Variants in ZFHX3 observed in about 807,000 individuals in gnomAD.
ZFHX3 encodes zinc finger homeobox 3.
Under a neutral mutation model 279.1 loss-of-function variants are expected in ZFHX3, and 42 were observed. The observed-to-expected ratio is 0.15, with a 90% CI of 0.12 to 0.19. ZFHX3 has a LOEUF of 0.19. Among genes scored for constraint, ZFHX3 ranks in the 10% least tolerant of loss-of-function variants. The pLI is 1.00. For synonymous variants in ZFHX3, 2,293 were observed against 1,957.8 expected, an observed-to-expected ratio of 1.17 and a Z score of -4.52; for missense variants, 4,981 against 4,754.0, an observed-to-expected ratio of 1.05 and a Z score of -1.40.
intron 2 of ZFHX3, among the ~76,000 whole-genome samples, chr16:73,467,490 G>C (rs1350046121): frequency 1.3e-5 from 2 of 152,132 alleles, no homozygotes; most frequent in Non-Finnish European, 2.9e-5. Context: ...GAAGTATTCA[G>C]GGGGTAGTGC....
intron 4 of ZFHX3, among the ~76,000 whole-genome samples, chr16:73,282,555 T>A (rs2014483807): frequency 1.3e-5 from 2 of 152,178 alleles, no homozygotes; most frequent in South Asian, 4.1e-4. Context: ...GATTACATTG[T>A]CTCTTGTTGC....
chr16:73,655,803 A>C (rs891668123), intron 2 of ZFHX3, among the ~76,000 whole-genome samples: 3 of 152,216 alleles, frequency 2.0e-5, no homozygotes, highest in Non-Finnish European at 4.4e-5. Flanking sequence ...ACCATTTGAC[A>C]TTTAATAGTC....
chr16:73,288,956 T>C (rs1328332603), intron 4 of ZFHX3, among the ~76,000 whole-genome samples: 6 of 148,596 alleles, frequency 4.0e-5, no homozygotes, highest in African/African-American at 1.5e-4. Context: ...TCTTTGTCTC[T>C]TGTTATACCT....
intron 8 of ZFHX3, among the ~76,000 whole-genome samples, chr16:73,089,135 G>T (rs980124478): frequency 6.6e-6 from 1 of 151,778 alleles, no homozygotes; most frequent in African/African-American, 2.4e-5. Flanking sequence ...ACAGAGTCTT[G>T]CTCTGTCGCC....
chr16:73,212,643 C>T (rs1276502611), intron 5 of ZFHX3, among the ~76,000 whole-genome samples: 1 of 152,220 alleles, frequency 6.6e-6, no homozygotes, highest in Non-Finnish European at 1.5e-5. Flanking sequence ...GCCCCCAGCT[C>T]ATGACCGTCA....
At chr16:73,879,045 T>C (rs1211187458) in intron 1 of ZFHX3, among the ~76,000 whole-genome samples, 1 of 151,130 alleles carries the variant, frequency 6.6e-6, no homozygotes, top group Non-Finnish European at 1.5e-5. Context: ...CTTCTTAATT[T>C]CCAGCGAAAG....
At chr16:73,006,454 T>C (rs530686831) in intron 1 of ZFHX3, among the ~76,000 whole-genome samples, 2 of 151,424 alleles carry the variant, frequency 1.3e-5, no homozygotes, top group Non-Finnish European at 2.9e-5. Flanking sequence ...GAGACCCCAA[T>C]CTCTATGAAA....
intron 7 of ZFHX3, among the ~76,000 whole-genome samples, chr16:73,121,102 C>A (rs763764463): frequency 1.3e-5 from 2 of 152,164 alleles, no homozygotes; most frequent in African/African-American, 4.8e-5. Context: ...TTTATTTCAT[C>A]ACAATTAATT....
In ZFHX3 at chr16:73,372,267, A is replaced by G. The variant is rs573003955; in HGVS notation, c.-1290-53931T>C. Among the ~76,000 whole-genome samples, 6 of 152,342 alleles carry G rather than the reference A, an allele frequency of 3.9e-5. No individual in the cohort carries two copies. The East Asian group carries it at 1.2e-3, about 29-fold the overall frequency. ...ACTACTGAAAACAGTTTAAAAGATCATGTCTGTGATCTATTAAACAAGGTT... is the reference window on the plus strand; with the variant it reads ...ACTACTGAAAACAGTTTAAAAGATCGTGTCTGTGATCTATTAAACAAGGTT... On this transcript the variant is annotated intron_variant, in intron 3 of 17. Transcript: ENST00000641206.
chr16:73,644,358 G>C (rs755852442), intron 2 of ZFHX3, among the ~76,000 whole-genome samples: 1 of 151,966 alleles, frequency 6.6e-6, no homozygotes, highest in Admixed American at 6.6e-5. Context: ...ACCACCCACC[G>C]GTTGAAAGCA....
rs552306291 is a variant in ZFHX3 at position 72,893,599 on chromosome 16, T to A, written c.3217-3637A>T. ...AATCCACTCCACACTCTAGCTCATG[T>A]TGGTAAACTACAATCTCTTACACTG... On this transcript the variant is annotated intron_variant, in intron 3 of 9. Transcript: ENST00000268489. 5.9e-4 allele frequency among the ~76,000 whole-genome samples: 90 copies of A among 152,358 alleles called. No homozygotes were observed. The Middle Eastern group carries it at 0.014, about 23-fold the overall frequency.
intron 2 of ZFHX3, among the ~76,000 whole-genome samples, chr16:73,654,115 C>T (rs1239625391): frequency 4.1e-5 from 6 of 147,668 alleles, no homozygotes; most frequent in African/African-American, 1.5e-4. Context: ...ACCTGGGAGG[C>T]GGAGCCTGCA....
intron 1 of ZFHX3, among the ~76,000 whole-genome samples, chr16:73,814,558 T>A (rs919580615): frequency 2.0e-5 from 3 of 151,936 alleles, no homozygotes; most frequent in South Asian, 4.1e-4. Context: ...CTTACTTACA[T>A]AGTTCACAAC....
At chr16:72,823,290 G>C (rs778333531) in intron 5 of ZFHX3, among the ~76,000 whole-genome samples, 1 of 152,238 alleles carries the variant, frequency 6.6e-6, no homozygotes, top group African/African-American at 2.4e-5. Context: ...ACTTTTGGGT[G>C]AGGTGGAGAA....
At chr16:73,651,855 A>C (rs1246365161) in intron 2 of ZFHX3, among the ~76,000 whole-genome samples, 11 of 382 alleles carry the variant, frequency 0.029, no homozygotes, top group South Asian at 0.2. Context: ...ACTCTGTCTC[A>C]AAAAAAAAAA....
intron 3 of ZFHX3, among the ~76,000 whole-genome samples, chr16:73,337,601 G>C (rs145927624): frequency 6.6e-6 from 1 of 151,890 alleles, no homozygotes; most frequent in African/African-American, 2.4e-5. Flanking sequence ...CTGACTCACC[G>C]TCTTTGTCTC....
intron 7 of ZFHX3, among the ~76,000 whole-genome samples, chr16:73,097,498 G>T (rs1042328940): frequency 6.6e-6 from 1 of 151,972 alleles, no homozygotes; most frequent in African/African-American, 2.4e-5. Context: ...TCTGGTTTTA[G>T]GTTTTACCTG....
intron 3 of ZFHX3, among the ~76,000 whole-genome samples, chr16:72,921,391 A>T (rs2144239585): frequency 6.6e-6 from 1 of 152,352 alleles, no homozygotes; most frequent in Non-Finnish European, 1.5e-5. Flanking sequence ...AAAGGGCATC[A>T]GACACGACTA....
intron 5 of ZFHX3, among the ~76,000 whole-genome samples, chr16:73,234,149 C>G (rs2012869554): frequency 6.6e-6 from 1 of 152,094 alleles, no homozygotes; most frequent in Non-Finnish European, 1.5e-5. Flanking sequence ...GAAGTCAGAA[C>G]AGGCGGAATG....
Sources: allele counts gnomAD v4.1 joint callset (sites outside exome capture counted in the v4.1 genomes callset), GRCh38; gene constraint gnomAD v4.1.1; transcripts MANE v1.5; gene names NCBI Gene and HGNC (gene_info 2026-07-23, HGNC 2026-07-21).